LMO7: variants seen among roughly 807,000 people sequenced by gnomAD.
The protein encoded by LMO7 is LIM domain only protein 7.
A neutral mutation model predicts 206.5 loss-of-function variants in LMO7; 120 were observed. The ratio of observed to expected loss-of-function variants is 0.58; its 90% CI spans 0.50 to 0.68. LMO7 has a LOEUF of 0.68. Ranked by LOEUF, LMO7 falls within the 30% of genes least tolerant of loss-of-function variation. The pLI is 0.00. For synonymous variants in LMO7, 706 were observed against 681.5 expected, an observed-to-expected ratio of 1.04 and a Z score of -0.56; for missense variants, 1,959 against 1,957.9, an observed-to-expected ratio of 1.00 and a Z score of -0.01.
intron 4 of LMO7, among the ~76,000 whole-genome samples, chr13:75,771,786 C>T (rs531201458): frequency 6.6e-6 from 1 of 151,810 alleles, no homozygotes; most frequent in South Asian, 2.1e-4. Context: ...AAATTTTATA[C>T]AAATAATTAA....
intron 15 of LMO7, among the ~76,000 whole-genome samples, chr13:75,831,654 G>A (rs576961138): frequency 2.0e-5 from 3 of 152,222 alleles, no homozygotes; most frequent in South Asian, 4.2e-4. Context: ...CAAATGTTGT[G>A]TGCAGAGACC....
At chr13:75,735,324 G>A (rs2045704225) in intron 3 of LMO7, among the ~76,000 whole-genome samples, 1 of 151,782 alleles carries the variant, frequency 6.6e-6, no homozygotes, top group Admixed American at 6.6e-5. Flanking sequence ...TCCAAAAATG[G>A]GAGAACACCT....
intron 3 of LMO7, among the ~76,000 whole-genome samples, chr13:75,730,605 G>A (rs866327617): frequency 6.7e-6 from 1 of 148,234 alleles, no homozygotes; most frequent in Non-Finnish European, 1.5e-5. Context: ...ATTTTTTGAA[G>A]GGTTTTTTGT....
chr13:75,738,378 A>G (rs1327002515), intron 3 of LMO7, among the ~76,000 whole-genome samples: 1 of 152,232 alleles, frequency 6.6e-6, no homozygotes, highest in African/African-American at 2.4e-5. Flanking sequence ...CCCTTGAGCA[A>G]TGGCAATACA....
chr13:75,839,242 T>G (rs2059384536), intron 20 of LMO7, among the ~76,000 whole-genome samples: 1 of 152,214 alleles, frequency 6.6e-6, no homozygotes, highest in Non-Finnish European at 1.5e-5. Context: ...TAACACTGGC[T>G]AAAATAAAGC....
rs115836399 is a variant in LMO7 at position 75,671,864 on chromosome 13, C to T, written c.69+35138C>T. On this transcript the variant is annotated intron_variant, in intron 1 of 30. Coordinates refer to ENST00000377534, the MANE Select transcript of LMO7 (RefSeq NM_001306080.2). ...GCCTGTCTCCCCTTCTCTAAAGGCT[C>T]TGCATCATCCCGAGTTGTCACTGCT... Among the ~76,000 whole-genome samples, 280 of 152,126 alleles carry T rather than the reference C, an allele frequency of 1.8e-3. 1 individual carries two copies. Among genetic ancestry groups the T allele is most frequent in the African/African-American group, 6.5e-3 (269 of 41,492 alleles).
intron 3 of LMO7, among the ~76,000 whole-genome samples, chr13:75,731,046 C>CA (rs1161769338): frequency 4.0e-5 from 6 of 151,514 alleles, no homozygotes; most frequent in African/African-American, 1.2e-4. Context: ...GCTTTACTTC[C>CA]AACTATGTGG....
At chr13:75,810,807 T>C (rs2056282367) in intron 11 of LMO7, among the ~76,000 whole-genome samples, 2 of 152,204 alleles carry the variant, frequency 1.3e-5, no homozygotes, top group Admixed American at 6.5e-5. Context: ...GTGTTCCCTG[T>C]AGTGAGGGGT....
chr13:75,817,575 G>A (rs180705756), intron 12 of LMO7, among the ~76,000 whole-genome samples: 3 of 152,178 alleles, frequency 2.0e-5, no homozygotes. Flanking sequence ...TGTTTTGGTG[G>A]TTGAATTTGG....
At chr13:75,797,545 G>C (rs117360882) in intron 6 of LMO7, among the ~76,000 whole-genome samples, 1 of 152,174 alleles carries the variant, frequency 6.6e-6, no homozygotes, top group South Asian at 2.1e-4. Flanking sequence ...AGTAGTCATT[G>C]TTTCATGGGT....
intron 1 of LMO7, among the ~76,000 whole-genome samples, chr13:75,703,793 G>T (rs1168593656): frequency 6.6e-6 from 1 of 151,940 alleles, no homozygotes; most frequent in Non-Finnish European, 1.5e-5. Context: ...TGAAGAACTG[G>T]CTTCTCTGAC....
At chr13:75,853,735 T>C (rs1172783129) in intron 28 of LMO7, among the ~76,000 whole-genome samples, 1 of 152,200 alleles carries the variant, frequency 6.6e-6, no homozygotes, top group Non-Finnish European at 1.5e-5. Context: ...CACGAATGCT[T>C]CTCAAATTTC....
In LMO7 at chr13:75,636,441, A is replaced by G; in HGVS notation, c.-217A>G. ...GGCCTTGGGTCGCTTTCAGGAGTTTAGAGAAAGCCAGGTCTTCACGTTCGT... is the reference window on the plus strand; with the variant it reads ...GGCCTTGGGTCGCTTTCAGGAGTTTGGAGAAAGCCAGGTCTTCACGTTCGT... On this transcript the variant is annotated 5_prime_UTR_variant, in exon 1 of 31. Transcript: ENST00000377534. The G allele has an allele frequency of 2.2e-6, 3 of 1,394,056 alleles. No homozygotes were observed. The highest frequency in any genetic ancestry group is 2.8e-6 in the Non-Finnish European group (3 of 1,078,014). The allele number at this position is 1,394,056 out of a possible 1,614,324, so 86.4% of individuals were successfully genotyped here. A position where few individuals can be genotyped will look rare whatever the true frequency, so the allele number is the denominator to read the frequency against.
chr13:75,858,029 C>A lies in LMO7; in HGVS notation c.*86C>A. ...AGATCTATAAATATGTGTTGTATGT[C>A]TTTTTTGCTTTTTTTTTAAAAAAAA... On this transcript the variant is annotated 3_prime_UTR_variant, in exon 31 of 31. Coordinates refer to ENST00000377534, the MANE Select transcript of LMO7 (RefSeq NM_001306080.2). 6.7e-7 allele frequency: 1 copy of A among 1,494,754 alleles called. No individual in the cohort carries two copies. The highest frequency in any genetic ancestry group is 9.1e-7 in the Non-Finnish European group (1 of 1,103,820). 92.6% of individuals were successfully genotyped at this position (1,494,754 alleles called of 1,614,324 possible).
chr13:75,758,878 A>G (rs2047908747), intron 3 of LMO7, among the ~76,000 whole-genome samples: 1 of 152,154 alleles, frequency 6.6e-6, no homozygotes, highest in Non-Finnish European at 1.5e-5. Flanking sequence ...AAGACTTCTA[A>G]TGGTTTGTTT....
chr13:75,781,849 G>A (rs2051502476), intron 4 of LMO7, among the ~76,000 whole-genome samples: 1 of 152,116 alleles, frequency 6.6e-6, no homozygotes, highest in Non-Finnish European at 1.5e-5. Flanking sequence ...TCTCATTGTG[G>A]TTTTGATTTG....
At chr13:75,817,608 T>C (rs1316331370) in intron 12 of LMO7, among the ~76,000 whole-genome samples, 2 of 152,116 alleles carry the variant, frequency 1.3e-5, no homozygotes, top group Admixed American at 6.5e-5. Flanking sequence ...AACTATACTC[T>C]AATGGGAAAG....
chr13:75,644,150 A>G (rs1373610464), intron 1 of LMO7, among the ~76,000 whole-genome samples: 1 of 151,028 alleles, frequency 6.6e-6, no homozygotes. Flanking sequence ...TTTTTTTTTT[A>G]AGAGAAGCTG....
chr13:75,765,710 G>A (rs1245968048), intron 4 of LMO7, among the ~76,000 whole-genome samples: 1 of 152,082 alleles, frequency 6.6e-6, no homozygotes, highest in African/African-American at 2.4e-5. Context: ...TGCAGGGAAC[G>A]GTTGTGGGAT....
Sources: gnomAD v4.1 joint callset for allele counts (sites outside exome capture counted in the v4.1 genomes callset) on GRCh38, gnomAD v4.1.1 for gene constraint, MANE v1.5 for transcripts, NCBI Gene and HGNC (gene_info 2026-07-23, HGNC 2026-07-21) for gene names.